GRIK2: variants seen among roughly 807,000 people sequenced by gnomAD.
GRIK2 encodes the protein glutamate receptor ionotropic, kainate 2.
GRIK2 carries 32 observed loss-of-function variants against 100.3 expected under a neutral mutation model. That is an observed-to-expected ratio of 0.32 (90% CI 0.24 to 0.43). The LOEUF is 0.43. Among genes scored for constraint, GRIK2 ranks in the 20% least tolerant of loss-of-function variants. The pLI is 1.00. For missense variants in GRIK2, 843 were observed against 1,114.9 expected (o/e 0.76, Z 3.47); for synonymous variants, 417 against 389.4 (o/e 1.07, Z -0.83).
intron 14 of GRIK2, among the ~76,000 whole-genome samples, chr6:102,018,267 A>G (rs1769229355): frequency 6.6e-6 from 1 of 152,064 alleles, no homozygotes; most frequent in Admixed American, 6.6e-5. Flanking sequence ...GTTTCAGGTG[A>G]GGCAGAATGA....
At chr6:101,977,209 G>T in intron 14 of GRIK2, among the ~76,000 whole-genome samples, 1 of 149,422 alleles carries the variant, frequency 6.7e-6, no homozygotes, top group Non-Finnish European at 1.5e-5. Context: ...ATAGAATGTA[G>T]TATATACCTA....
Position 101,494,971 on chromosome 6 carries a change from T to TTATATATATATATATATATA in GRIK2, c.115+95589_115+95608dup, listed in dbSNP as rs369006296. On this transcript the variant is annotated intron_variant, in intron 2 of 16. Coordinates refer to ENST00000369134, the MANE Select transcript of GRIK2 (RefSeq NM_021956.5). ...TAAAAAGTAATACCTATATATGCAT[T>TTATATATATATATATATATA]TATATATATATATATATATATATAT... Among the ~76,000 whole-genome samples the TTATATATATATATATATATA allele has an allele frequency of 9.5e-4, 103 of 107,926 alleles. 2 individuals carry two copies. The highest frequency in any genetic ancestry group is 2.0e-3 in the South Asian group (6 of 2,962). The allele number at this position is 107,926 out of a possible 152,430, so 70.8% of individuals were successfully genotyped here. A position where few individuals can be genotyped will look rare whatever the true frequency, so the allele number is the denominator to read the frequency against.
At chr6:101,461,029 G>A (rs891526654) in intron 2 of GRIK2, among the ~76,000 whole-genome samples, 1 of 152,110 alleles carries the variant, frequency 6.6e-6, no homozygotes, top group Non-Finnish European at 1.5e-5. Flanking sequence ...AAGATAACAG[G>A]ATGATACACT....
chr6:101,677,993 G>T (rs746515075), intron 5 of GRIK2, among the ~76,000 whole-genome samples: 1 of 151,952 alleles, frequency 6.6e-6, no homozygotes, highest in Non-Finnish European at 1.5e-5. Context: ...ATAAAACAAC[G>T]CACTAAGATT....
At chr6:101,497,258 GCTT>G (rs1773496105) in intron 2 of GRIK2, among the ~76,000 whole-genome samples, 1 of 151,816 alleles carries the variant, frequency 6.6e-6, no homozygotes, top group Non-Finnish European at 1.5e-5. Context: ...CCTTCCATTT[GCTT>G]CTTCAATTTG....
chr6:101,626,274 ATCTT>A, intron 3 of GRIK2, 102 bp from the exon 4 acceptor site: 1 of 1,057,352 alleles, frequency 9.5e-7, no homozygotes, highest in Non-Finnish European at 1.4e-6. Context: ...AAAAACACAA[ATCTT>A]TCTTGAGAAT....
rs554043102 is a variant in GRIK2 at position 101,776,212 on chromosome 6, G to A, written c.952-23436G>A. On this transcript the variant is annotated intron_variant, in intron 7 of 16. Transcript: ENST00000369134. Reference sequence around the variant, plus strand: ...AAGAAAAGACCATAATATAAATATTGGCAGGTTTTATTTGTTCAGGCAGTA... The same window carrying A: ...AAGAAAAGACCATAATATAAATATTAGCAGGTTTTATTTGTTCAGGCAGTA... Among the ~76,000 whole-genome samples, 7 of 152,198 alleles carry A rather than the reference G, an allele frequency of 4.6e-5. No individual in the cohort carries two copies. The East Asian group carries it at 1.4e-3, about 29-fold the overall frequency.
chr6:101,801,576 A>G (rs1439684225), intron 8 of GRIK2, among the ~76,000 whole-genome samples: 1 of 151,886 alleles, frequency 6.6e-6, no homozygotes, highest in Non-Finnish European at 1.5e-5. Context: ...TTTAGTTGTG[A>G]GTATACATTT....
chr6:101,598,378 T>G (rs1779028669), intron 2 of GRIK2, among the ~76,000 whole-genome samples: 1 of 151,688 alleles, frequency 6.6e-6, no homozygotes, highest in African/African-American at 2.4e-5. Context: ...TACTCCAGAC[T>G]GAGACTTTAT....
At chr6:101,925,335 C>T (rs569198744) in intron 13 of GRIK2, among the ~76,000 whole-genome samples, 2 of 151,342 alleles carry the variant, frequency 1.3e-5, no homozygotes, top group Admixed American at 6.6e-5. Context: ...AAAATTAAGG[C>T]TATATCTTAG....
intron 2 of GRIK2, among the ~76,000 whole-genome samples, chr6:101,446,415 G>A (rs751224709): frequency 5.9e-5 from 9 of 151,912 alleles, no homozygotes; most frequent in South Asian, 4.1e-4. Flanking sequence ...TTATTACGAC[G>A]ATAATAAAAT....
intron 10 of GRIK2, among the ~76,000 whole-genome samples, chr6:101,842,602 A>C (rs1582359674): frequency 1.3e-5 from 2 of 152,294 alleles, no homozygotes; most frequent in Admixed American, 6.5e-5. Flanking sequence ...ATAGGTATTC[A>C]AAAAACTTTT....
intron 2 of GRIK2, among the ~76,000 whole-genome samples, chr6:101,619,464 T>G (rs995722133): frequency 2.0e-5 from 3 of 152,058 alleles, no homozygotes; most frequent in African/African-American, 7.2e-5. Context: ...ATAAGAAAGT[T>G]TCAATTCAGT....
At chr6:101,652,459 A>G (rs1781846606) in intron 4 of GRIK2, among the ~76,000 whole-genome samples, 1 of 152,136 alleles carries the variant, frequency 6.6e-6, no homozygotes, top group South Asian at 2.1e-4. Flanking sequence ...TGTTGTGTAT[A>G]AGCCATCCAG....
chr6:101,914,446 T>C (rs1788963014), intron 12 of GRIK2, among the ~76,000 whole-genome samples: 1 of 151,554 alleles, frequency 6.6e-6, no homozygotes, highest in African/African-American at 2.4e-5. Flanking sequence ...ATAGATATTC[T>C]AGCTAATCCA....
chr6:101,674,504 T>A (rs1770681848), intron 4 of GRIK2, among the ~76,000 whole-genome samples: 1 of 152,216 alleles, frequency 6.6e-6, no homozygotes, highest in South Asian at 2.1e-4. Flanking sequence ...TAGTTTTCTG[T>A]ACATATATGT....
chr6:101,748,777 C>T (rs945599607), intron 7 of GRIK2, among the ~76,000 whole-genome samples: 2 of 151,990 alleles, frequency 1.3e-5, no homozygotes, highest in Non-Finnish European at 2.9e-5. Context: ...TATTGACTTA[C>T]AAATTATGTT....
chr6:101,513,893 A>G (rs1582618657), intron 2 of GRIK2, among the ~76,000 whole-genome samples: 1 of 152,268 alleles, frequency 6.6e-6, no homozygotes, highest in Non-Finnish European at 1.5e-5. Context: ...AAAGGAAGAG[A>G]TAATACAAAT....
intron 2 of GRIK2, among the ~76,000 whole-genome samples, chr6:101,404,654 G>T (rs1452303662): frequency 1.3e-5 from 2 of 152,166 alleles, no homozygotes; most frequent in African/African-American, 4.8e-5. Flanking sequence ...GCTTGCAGGA[G>T]ATCCCTGATT....
Sources: allele counts gnomAD v4.1 joint callset (sites outside exome capture counted in the v4.1 genomes callset), GRCh38; gene constraint gnomAD v4.1.1; transcripts MANE v1.5; gene names NCBI Gene and HGNC (gene_info 2026-07-23, HGNC 2026-07-21).